HELB: variants seen among roughly 807,000 people sequenced by gnomAD.
The protein encoded by HELB is DNA helicase B.
A neutral mutation model predicts 101.7 loss-of-function variants in HELB; 96 were observed. The ratio of observed to expected loss-of-function variants is 0.94; its 90% CI spans 0.80 to 1.12. The LOEUF (loss-of-function observed/expected upper bound fraction) is 1.12. Ranked by LOEUF, HELB falls within the 50% of genes most tolerant of loss-of-function variation. HELB has a pLI of 0.00. For missense variants in HELB, 1,210 were observed against 1,291.9 expected (o/e 0.94, Z 0.97); for synonymous variants, 437 against 459.7 (o/e 0.95, Z 0.63).
intron 2 of HELB, among the ~76,000 whole-genome samples, chr12:66,306,007 A>G (rs1043245748): frequency 2.6e-5 from 4 of 152,360 alleles, no homozygotes; most frequent in Non-Finnish European, 5.9e-5. Flanking sequence ...GTTACTATGT[A>G]AATTATTTTA....
chr12:66,317,747 G>A (rs904809183), intron 6 of HELB, among the ~76,000 whole-genome samples: 2 of 152,174 alleles, frequency 1.3e-5, no homozygotes, highest in African/African-American at 4.8e-5. Flanking sequence ...GGTGCTACAT[G>A]CCTTGGGTCA....
chr12:66,315,137 G>T lies in HELB; in HGVS notation c.1859-105G>T. 4.1e-6 allele frequency: 3 copies of T among 734,524 alleles called. No homozygotes were observed. The South Asian group carries it at 9.9e-5, about 24-fold the overall frequency. 45.5% of individuals were successfully genotyped at this position (734,524 alleles called of 1,614,324 possible). A position where few individuals can be genotyped will look rare whatever the true frequency, so the allele number is the denominator to read the frequency against. On this transcript the variant is annotated intron_variant, in intron 5 of 12. Transcript: ENST00000247815. ...TTATATCTTTTACTGTTTAAATGTT[G>T]TTTTTTGTAAGGTATTTAACTTTAA...
intron 12 of HELB, among the ~76,000 whole-genome samples, chr12:66,336,721 C>T (rs773112774): frequency 6.6e-6 from 1 of 152,260 alleles, no homozygotes; most frequent in South Asian, 2.1e-4. Flanking sequence ...AGATGTAGAA[C>T]AGCATGGCTG....
intron 11 of HELB, among the ~76,000 whole-genome samples, chr12:66,329,688 T>C (rs2053783179): frequency 6.6e-6 from 1 of 152,116 alleles, no homozygotes; most frequent in Non-Finnish European, 1.5e-5. Flanking sequence ...ATGAGGATGA[T>C]GGATTGGGCA....
Position 66,304,889 on chromosome 12 carries a change from T to G in HELB, c.346T>G (p.Ser116Ala). Reference protein sequence around the residue: ...VQGFPSYFLQSDMSPPNQKHI... With the variant: ...VQGFPSYFLQADMSPPNQKHI... Reference sequence around the variant, plus strand: ...AGGATTTCCGTCTTACTTTTTGCAGTCTGATATGTCACCACCAAATCAAAA... The same window carrying G: ...AGGATTTCCGTCTTACTTTTTGCAGGCTGATATGTCACCACCAAATCAAAA... Residue 116 changes from serine to alanine, a missense_variant, in exon 2 of 13, where the codon TCT becomes GCT. This residue lies in a region of HELB where 470 missense variants were observed against 563.1 expected (regional missense o/e 0.83). Coordinates refer to ENST00000247815, the MANE Select transcript of HELB (RefSeq NM_001370285.1). The G allele has an allele frequency of 6.2e-7, 1 of 1,614,206 alleles. No individual in the cohort carries two copies. The highest frequency in any genetic ancestry group is 8.5e-7 in the Non-Finnish European group (1 of 1,180,018).
chr12:66,305,981 G>T (rs1184550121), intron 2 of HELB, among the ~76,000 whole-genome samples: 2 of 152,008 alleles, frequency 1.3e-5, no homozygotes, highest in Non-Finnish European at 2.9e-5. Flanking sequence ...TATGATTATA[G>T]AAAATGATTA....
intron 11 of HELB, among the ~76,000 whole-genome samples, chr12:66,330,314 T>A (rs1339673252): frequency 6.6e-6 from 1 of 152,116 alleles, no homozygotes; most frequent in Non-Finnish European, 1.5e-5. Context: ...TTTTTTATCT[T>A]GATAAAAGAA....
chr12:66,318,110 G>A (rs1299768694), intron 6 of HELB, among the ~76,000 whole-genome samples: 1 of 152,158 alleles, frequency 6.6e-6, no homozygotes, highest in Admixed American at 6.5e-5. Context: ...GAAGAAAGGA[G>A]AAGAATATAA....
Position 66,318,807 on chromosome 12 carries a change from C to G in HELB, c.2155+15C>G. On this transcript the variant is annotated intron_variant, in intron 7 of 12. Coordinates refer to ENST00000247815, the MANE Select transcript of HELB (RefSeq NM_001370285.1). ...TCATCACTCTTGTAAGTATAAACTT[C>G]TATGAGATGTAGAGTTAAGTATAAC... 6.3e-7 allele frequency: 1 copy of G among 1,576,458 alleles called. No individual in the cohort carries two copies. Among genetic ancestry groups the G allele is most frequent in the Non-Finnish European group, 8.6e-7 (1 of 1,162,462 alleles).
intron 12 of HELB, among the ~76,000 whole-genome samples, chr12:66,334,623 A>T (rs2053846244): frequency 6.6e-6 from 1 of 151,940 alleles, no homozygotes; most frequent in Non-Finnish European, 1.5e-5. Flanking sequence ...AAAAATGCAA[A>T]CAAAAATTAG....
At position 66,325,029 on chromosome 12, in the gene HELB, A is replaced by G. The variant is rs754001459; in HGVS notation, c.2573A>G (p.Asn858Ser). The change falls in exon 11 of 13, where the codon AAT becomes AGT. Residue 858 changes from asparagine to serine, a missense_variant. Physicochemically the swap from Asn to Ser is conservative, Grantham distance 46. Coordinates refer to ENST00000247815, the MANE Select transcript of HELB (RefSeq NM_001370285.1). ...TFGKRRSLTI[N>S]NMAGLEVTVD... Reference sequence around the variant, plus strand: ...GGAAAGAGAAGATCTTTGACCATTAATAATATGGCTGGCCTGGAAGTAACT... The same window carrying G: ...GGAAAGAGAAGATCTTTGACCATTAGTAATATGGCTGGCCTGGAAGTAACT... 2.3e-5 allele frequency: 37 copies of G among 1,613,468 alleles called. No homozygotes were observed. The South Asian group carries it at 3.5e-4, about 15-fold the overall frequency.
chr12:66,316,956 T>A (rs947179366), intron 6 of HELB, among the ~76,000 whole-genome samples: 5 of 148,726 alleles, frequency 3.4e-5, no homozygotes, highest in African/African-American at 1.2e-4. Flanking sequence ...AAGGCGGAGA[T>A]TGCAGTGAGC....
intron 7 of HELB, among the ~76,000 whole-genome samples, chr12:66,319,337 G>T (rs2053645395): frequency 6.6e-6 from 1 of 152,214 alleles, no homozygotes; most frequent in African/African-American, 2.4e-5. Context: ...GAGAAAGAGT[G>T]TGGGACAGGA....
chr12:66,333,633 G>A (rs916087594), intron 12 of HELB, among the ~76,000 whole-genome samples: 5 of 152,030 alleles, frequency 3.3e-5, no homozygotes, highest in African/African-American at 9.7e-5. Context: ...GCAGTAAGCC[G>A]AGATTGCACC....
Position 66,310,468 on chromosome 12 carries a change from T to C in HELB, c.1540T>C (p.Ser514Pro), listed in dbSNP as rs2053530233. ...CEDFEQDQNA[S>P]EEWITFTEQS... ...AGATTTTGAACAAGACCAGAATGCT[T>C]CAGAAGAATGGATTACCTTTACTGA... The change falls in exon 4 of 13, where the codon TCA (serine) becomes CCA (proline). Residue 514 changes from serine (S) to proline (P), a missense_variant. Ser to Pro is a moderately conservative substitution (Grantham distance 74). This residue lies in a region of HELB where 740 missense variants were observed against 728.8 expected (regional missense o/e 1.02). Coordinates refer to ENST00000247815, the MANE Select transcript of HELB (RefSeq NM_001370285.1). The C allele has an allele frequency of 6.2e-7, 1 of 1,613,972 alleles. No individual in the cohort carries two copies. The highest frequency in any genetic ancestry group is 2.2e-5 in the East Asian group (1 of 44,888).
At chr12:66,326,338 G>A (rs2053737141) in intron 11 of HELB, among the ~76,000 whole-genome samples, 1 of 151,954 alleles carries the variant, frequency 6.6e-6, no homozygotes, top group Admixed American at 6.6e-5. Flanking sequence ...CGCCTCCCAG[G>A]TTCAAGTGAT....
At chr12:66,341,445 C>T (rs1338342736), downstream of HELB, 1 of 152,214 alleles carries the variant, frequency 6.6e-6, no homozygotes, top group Non-Finnish European at 1.5e-5. Context: ...GCAACACCCT[C>T]ACAGACACAC....
chr12:66,326,050 G>A (rs1281659092), intron 11 of HELB, among the ~76,000 whole-genome samples: 2 of 152,110 alleles, frequency 1.3e-5, no homozygotes, highest in African/African-American at 2.4e-5. Context: ...ATGCATATTC[G>A]AATTGCACCA....
At position 66,305,132 on chromosome 12, in the gene HELB, C is replaced by T. The variant is rs2053459834; in HGVS notation, c.589C>T (p.Leu197Phe). 1.3e-6 allele frequency: 2 copies of T among 1,560,496 alleles called. No homozygotes were observed. Among genetic ancestry groups the T allele is most frequent in the Non-Finnish European group, 1.7e-6 (2 of 1,157,958 alleles). ...EELFLDNEMSLPLENTIPFRN... is the reference protein window; with the variant it reads ...EELFLDNEMSFPLENTIPFRN... ...GTTGTTCCTAGACAATGAGATGAGT[C>T]TTCCTCTGGAAAACACAAGTAAGTG... Residue 197 changes from leucine to phenylalanine, a missense_variant, in exon 2 of 13, where the codon CTT becomes TTT. Physicochemically the swap from Leu to Phe is conservative, Grantham distance 22. This residue lies in a region of HELB where 470 missense variants were observed against 563.1 expected (regional missense o/e 0.83). Coordinates refer to ENST00000247815, the MANE Select transcript of HELB (RefSeq NM_001370285.1).
Sources: gnomAD v4.1 joint callset for allele counts (sites outside exome capture counted in the v4.1 genomes callset) on GRCh38, gnomAD v4.1.1 for gene constraint, gnomAD v4.1.1 regional missense constraint, MANE v1.5 for transcripts, NCBI Gene and HGNC (gene_info 2026-07-23, HGNC 2026-07-21) for gene names.